DSE: variants seen among roughly 807,000 people sequenced by gnomAD.
DSE encodes dermatan-sulfate epimerase.
DSE carries 36 observed loss-of-function variants against 84.4 expected under a neutral mutation model. The observed-to-expected ratio is 0.43, with a 90% CI of 0.33 to 0.56. The LOEUF is 0.56. DSE is among the 20% of genes least tolerant of loss of function. The probability of loss-of-function intolerance (pLI) is 0.06; values close to 1 mark genes in which losing one functional copy is unlikely to be tolerated. For missense variants in DSE, 862 were observed against 1,169.6 expected, an observed-to-expected ratio of 0.74 and a Z score of 3.84; for synonymous variants, 410 against 430.1, an observed-to-expected ratio of 0.95 and a Z score of 0.58.
chr6:116,348,037 A>G (rs1183560713), intron 2 of DSE, among the ~76,000 whole-genome samples: 1 of 152,260 alleles, frequency 6.6e-6, no homozygotes, highest in Non-Finnish European at 1.5e-5. Context: ...CAACGGACAC[A>G]TTAAAAAATG....
upstream of DSE, among the ~76,000 whole-genome samples, chr6:116,367,920 A>T (rs1348498255): frequency 1.3e-5 from 2 of 152,228 alleles, no homozygotes; most frequent in African/African-American, 2.4e-5. Flanking sequence ...TTAGTCTGAA[A>T]CCGAGGCAAG....
upstream of DSE, chr6:116,370,102 T>G (rs1281710867): frequency 4.1e-6 from 2 of 488,524 alleles, no homozygotes; most frequent in African/African-American, 2.0e-5. Flanking sequence ...AGTGGCTGAT[T>G]TTTGGAAAAC....
exon 2 of DSE, chr6:116,258,687 T>C (rs760880864): frequency 1.9e-6 from 3 of 1,607,006 alleles, no homozygotes; most frequent in Non-Finnish European, 2.6e-6. Context: ...CACGGCGAAG[T>C]GGGGACACGT....
At chr6:116,357,524 T>TC (rs113698755) in intron 2 of DSE, among the ~76,000 whole-genome samples, 29,724 of 149,288 alleles carry the variant, frequency 0.2, 3,644 homozygotes, top group African/African-American at 0.34. Context: ...AGAGCGAGAC[T>TC]CCATCTCAAA....
In DSE at chr6:116,435,608, G is replaced by A. The variant is rs756171586; in HGVS notation, c.1140G>A (p.Ser380=). The A allele has an allele frequency of 1.7e-5, 27 of 1,575,082 alleles. No homozygotes were observed. The South Asian group carries it at 2.1e-4, about 12-fold the overall frequency. Residue 380 remains serine, a synonymous_variant, in exon 6 of 6, where the codon TCG becomes TCA. Coordinates refer to ENST00000644252, the MANE Select transcript of DSE (RefSeq NM_013352.4). ...TCAGGTATGATGGCAGCTTGAAATC[G>A]GTTCCTCCTCCAGACTTTGGCACCC... ...EFLWYDGSLK[S]VPPPDFGTPT...
chr6:116,352,381 T>G (rs1778356814), intron 2 of DSE, among the ~76,000 whole-genome samples: 1 of 152,170 alleles, frequency 6.6e-6, no homozygotes, highest in South Asian at 2.1e-4. Flanking sequence ...ACAAGGGTTC[T>G]CCAAACACAA....
rs1305860324 is a variant in DSE, at chr6:116,399,445, G to A, written c.195G>A (p.Glu65=). The A allele has an allele frequency of 6.2e-7, 1 of 1,614,236 alleles. No individual in the cohort carries two copies. Among genetic ancestry groups the A allele is most frequent in the South Asian group, 1.1e-5 (1 of 91,086 alleles). The change falls in exon 2 of 6, where the codon GAG becomes GAA. Residue 65 remains glutamate, a synonymous_variant. Coordinates refer to ENST00000644252, the MANE Select transcript of DSE (RefSeq NM_013352.4). ...AGCTCAGGGCTGCCAGCTCGCACGA[G>A]CACATTGCAGCCCGCCTCACGGAGG... ...ELQLRAASSH[E]HIAARLTEAV...
chr6:116,349,200 C>G (rs550772389), intron 2 of DSE, among the ~76,000 whole-genome samples: 1 of 152,052 alleles, frequency 6.6e-6, no homozygotes, highest in South Asian at 2.1e-4. Context: ...TACATATATA[C>G]ATATATCTAC....
At chr6:116,348,641 T>G (rs1467173502) in intron 2 of DSE, among the ~76,000 whole-genome samples, 1 of 152,146 alleles carries the variant, frequency 6.6e-6, no homozygotes, top group Non-Finnish European at 1.5e-5. Context: ...ACCCAAAGGA[T>G]TATAAATCAT....
intron 3 of DSE, 103 bp downstream of exon 3, chr6:116,426,930 C>G: frequency 6.9e-7 from 1 of 1,442,818 alleles, no homozygotes; most frequent in Admixed American, 2.3e-5. Flanking sequence ...CATGTTCATA[C>G]TTGGATCCTA....
chr6:116,427,915 G>A (rs552905468), intron 3 of DSE, among the ~76,000 whole-genome samples: 4 of 152,336 alleles, frequency 2.6e-5, no homozygotes, highest in African/African-American at 7.2e-5. Flanking sequence ...CAGGTCAGGC[G>A]TGGTGGCTCA....
intron 2 of DSE, among the ~76,000 whole-genome samples, chr6:116,301,371 G>A (rs1262845292): frequency 1.3e-5 from 2 of 152,204 alleles, no homozygotes; most frequent in African/African-American, 4.8e-5. Context: ...CAACTAGGCT[G>A]TATGATCCTC....
intron 1 of DSE, chr6:116,255,074 A>G (rs138764044): frequency 1.3e-5 from 2 of 152,342 alleles, no homozygotes; most frequent in African/African-American, 4.8e-5. Flanking sequence ...TCAGTACAAT[A>G]TATTAGTTTG....
At chr6:116,384,736 A>G (rs1780467693) in intron 1 of DSE, among the ~76,000 whole-genome samples, 1 of 152,184 alleles carries the variant, frequency 6.6e-6, no homozygotes, top group Admixed American at 6.5e-5. Flanking sequence ...AATTTATCCA[A>G]CTAATATATA....
intron 2 of DSE, among the ~76,000 whole-genome samples, chr6:116,361,608 A>G (rs1249122666): frequency 6.6e-6 from 1 of 152,052 alleles, no homozygotes; most frequent in Non-Finnish European, 1.5e-5. Context: ...GTGAGCTATG[A>G]TCCTGCCACT....
At chr6:116,360,228 C>T (rs9481631) in intron 2 of DSE, among the ~76,000 whole-genome samples, 2,166 of 152,208 alleles carry the variant, frequency 0.014, 65 homozygotes, top group African/African-American at 0.05. Context: ...GGAAACACAG[C>T]TAATGGATGC....
chr6:116,307,119 G>A (rs1398441220), intron 2 of DSE, among the ~76,000 whole-genome samples: 1 of 152,116 alleles, frequency 6.6e-6, no homozygotes, highest in Non-Finnish European at 1.5e-5. Context: ...CTTTCACACA[G>A]GCATGTGAGT....
chr6:116,425,731 T>A (rs1171208583), intron 2 of DSE, among the ~76,000 whole-genome samples: 1 of 150,998 alleles, frequency 6.6e-6, no homozygotes, highest in Non-Finnish European at 1.5e-5. Flanking sequence ...CATGCCATTC[T>A]CCTGCCTCAG....
At chr6:116,283,014 C>A (rs1346288167) in intron 2 of DSE, among the ~76,000 whole-genome samples, 1 of 152,010 alleles carries the variant, frequency 6.6e-6, no homozygotes, top group East Asian at 1.9e-4. Flanking sequence ...TTTTGTTCAC[C>A]TTTTTGTATC....
Sources: allele counts gnomAD v4.1 joint callset (sites outside exome capture counted in the v4.1 genomes callset), GRCh38; gene constraint gnomAD v4.1.1; transcripts MANE v1.5; gene names NCBI Gene and HGNC (gene_info 2026-07-23, HGNC 2026-07-21).